The following FRMD3 variants were observed in gnomAD, a reference collection of about 807,000 sequenced individuals.
FRMD3 encodes the protein FERM domain-containing protein 3.
FRMD3 carries 33 observed loss-of-function variants against 70.2 expected under a neutral mutation model. The observed-to-expected ratio is 0.47, with a 90% confidence interval of 0.36 to 0.63. The LOEUF (loss-of-function observed/expected upper bound fraction) is 0.63. FRMD3 is among the 20% of genes least tolerant of loss of function. The pLI, the probability that FRMD3 is intolerant of heterozygous loss-of-function variation, is 0.00. For missense variants in FRMD3, 632 were observed against 711.4 expected, an observed-to-expected ratio of 0.89 and a Z score of 1.27; for synonymous variants, 279 against 255.9, an observed-to-expected ratio of 1.09 and a Z score of -0.86.
intron 3 of FRMD3, among the ~76,000 whole-genome samples, chr9:83,368,511 T>G (rs1488449764): frequency 6.6e-6 from 1 of 152,032 alleles, no homozygotes; most frequent in East Asian, 1.9e-4. Flanking sequence ...TTAGCATCTC[T>G]TCTAAGTTCA....
chr9:83,558,050 T>C, the FRMD3 span, among the ~76,000 whole-genome samples: 1 of 152,178 alleles, frequency 6.6e-6, no homozygotes, highest in African/African-American at 2.4e-5. Flanking sequence ...ACTCTGTTTT[T>C]TATATCAGAA....
chr9:83,584,538 A>G, the FRMD3 span, among the ~76,000 whole-genome samples: 3 of 151,916 alleles, frequency 2.0e-5, no homozygotes, highest in Admixed American at 6.6e-5. Flanking sequence ...TTGTCACTCC[A>G]TCTCTCACCT....
intron 12 of FRMD3, among the ~76,000 whole-genome samples, chr9:83,292,848 G>A (rs1403311641): frequency 1.3e-5 from 2 of 151,910 alleles, no homozygotes; most frequent in Non-Finnish European, 2.9e-5. Context: ...GTTTCACCAT[G>A]TTGGGCAGGC....
intron 13 of FRMD3, among the ~76,000 whole-genome samples, chr9:83,272,127 C>G (rs1049781446): frequency 2.6e-5 from 4 of 151,770 alleles, no homozygotes; most frequent in Non-Finnish European, 5.9e-5. Flanking sequence ...GTCTCCCTCT[C>G]TCTCCACGGT....
chr9:83,363,213 C>T (rs1233425147), intron 3 of FRMD3, among the ~76,000 whole-genome samples: 1 of 152,114 alleles, frequency 6.6e-6, no homozygotes, highest in African/African-American at 2.4e-5. Context: ...GTTAAGTATA[C>T]ATCTTTCCAG....
At chr9:83,389,506 G>T in intron 2 of FRMD3, 98 bp downstream of exon 2, 1 of 783,278 alleles carries the variant, frequency 1.3e-6, no homozygotes, top group Non-Finnish European at 2.3e-6. Flanking sequence ...TAATCTATGA[G>T]AACAAGGGCA....
chr9:83,433,885 C>T (rs1411578566), intron 1 of FRMD3, among the ~76,000 whole-genome samples: 1 of 152,158 alleles, frequency 6.6e-6, no homozygotes. Flanking sequence ...ACTTGATCAC[C>T]CACCACTCAC....
Position 83,516,639 on chromosome 9 carries a change from A to G in FRMD3, c.147+21446T>C, listed in dbSNP as rs149505470. On this transcript the variant is annotated intron_variant, in intron 1 of 13. Transcript: ENST00000304195. ...AAGCGAACCTAATAGACATCTTCAG[A>G]ACTCTCCACCCCAAAACAACAGAAT... Among the ~76,000 whole-genome samples, 586 of 152,310 alleles carry G rather than the reference A, an allele frequency of 3.8e-3. 6 individuals carry two copies. Among genetic ancestry groups the G allele is most frequent in the African/African-American group, 0.013 (557 of 41,564 alleles).
At chr9:83,542,036 C>T (rs1830005880), upstream of FRMD3, among the ~76,000 whole-genome samples, 1 of 151,980 alleles carries the variant, frequency 6.6e-6, no homozygotes, top group Non-Finnish European at 1.5e-5. Flanking sequence ...CTTGAGCCTC[C>T]CAAGTAGCTG....
Position 83,312,012 on chromosome 9 carries a change from T to G in FRMD3, c.685-37A>C, listed in dbSNP as rs200251617. On this transcript the variant is annotated intron_variant, in intron 7 of 13. Coordinates refer to ENST00000304195, the MANE Select transcript of FRMD3 (RefSeq NM_174938.6). ...AAAAAAGAAAAAAGAAAAATCTGTT[T>G]AGATTGAGAAAAATAAAATAAATGA... 2.6e-4 allele frequency: 379 copies of G among 1,452,900 alleles called. 4 individuals carry two copies. The Middle Eastern group carries it at 3.1e-3, about 12-fold the overall frequency. 90.0% of individuals were successfully genotyped at this position (1,452,900 alleles called of 1,614,324 possible). A position where few individuals can be genotyped will look rare whatever the true frequency, so the allele number is the denominator to read the frequency against.
intron 1 of FRMD3, among the ~76,000 whole-genome samples, chr9:83,521,316 C>T (rs1467420187): frequency 1.3e-5 from 2 of 152,118 alleles, no homozygotes; most frequent in East Asian, 3.9e-4. Context: ...CCCTTCTCTA[C>T]AAATAAAAGT....
chr9:83,389,306 T>G (rs1263561854), intron 2 of FRMD3, among the ~76,000 whole-genome samples: 1 of 152,050 alleles, frequency 6.6e-6, no homozygotes. Flanking sequence ...ATAGTGAAAT[T>G]TTATGTAGCC....
At chr9:83,566,689 G>C in the FRMD3 span, among the ~76,000 whole-genome samples, 1 of 152,198 alleles carries the variant, frequency 6.6e-6, no homozygotes, top group Admixed American at 6.5e-5. Context: ...GCCCAAGCAA[G>C]TCCAAAATCC....
intron 1 of FRMD3, among the ~76,000 whole-genome samples, chr9:83,500,695 G>C (rs887559697): frequency 6.6e-6 from 1 of 152,128 alleles, no homozygotes; most frequent in African/African-American, 2.4e-5. Context: ...TCTGCTGAAT[G>C]ACAGATTCAA....
chr9:83,485,870 G>T (rs1011138639), intron 1 of FRMD3, among the ~76,000 whole-genome samples: 1 of 151,612 alleles, frequency 6.6e-6, no homozygotes, highest in South Asian at 2.1e-4. Context: ...AAGAGAATTC[G>T]AAATTCTCTT....
At chr9:83,525,167 T>A (rs1336943112) in intron 1 of FRMD3, among the ~76,000 whole-genome samples, 4 of 152,210 alleles carry the variant, frequency 2.6e-5, no homozygotes, top group African/African-American at 7.2e-5. Context: ...ACGTTTAGCA[T>A]CACGGACTAG....
In FRMD3 at chr9:83,287,897, G is replaced by A. The variant is rs187155012; in HGVS notation, c.1195+2706C>T. Among the ~76,000 whole-genome samples the A allele has an allele frequency of 1.6e-4, 25 of 152,332 alleles. No homozygotes were observed. In the East Asian group the frequency reaches 4.4e-3, roughly 27 times the overall value. ...CAGTGGACTGTGAGCCTCCAGAAGA[G>A]AGAGCATCTTCATGTCTTCATCTTT... On this transcript the variant is annotated intron_variant, in intron 13 of 13. Transcript: ENST00000304195.
intron 13 of FRMD3, among the ~76,000 whole-genome samples, chr9:83,252,548 GC>G (rs1832478270): frequency 6.6e-6 from 1 of 152,088 alleles, no homozygotes; most frequent in Non-Finnish European, 1.5e-5. Flanking sequence ...TGGGCTAAAT[GC>G]CCCAAGTAAA....
At chr9:83,361,164 A>G (rs1824570920) in intron 3 of FRMD3, among the ~76,000 whole-genome samples, 1 of 152,194 alleles carries the variant, frequency 6.6e-6, no homozygotes, top group Non-Finnish European at 1.5e-5. Flanking sequence ...ACTAAACCAT[A>G]GTACTTGGGG....
Sources: gnomAD v4.1 joint callset for allele counts (sites outside exome capture counted in the v4.1 genomes callset) on GRCh38, gnomAD v4.1.1 for gene constraint, MANE v1.5 for transcripts, NCBI Gene and HGNC (gene_info 2026-07-23, HGNC 2026-07-21) for gene names.